Variants in CHST8 observed in about 807,000 individuals in gnomAD.
The protein encoded by CHST8 is carbohydrate sulfotransferase 8.
In CHST8, 10 loss-of-function variants were observed where a neutral mutation model predicts 15.0. The ratio of observed to expected loss-of-function variants is 0.67; its 90% confidence interval spans 0.41 to 1.13. CHST8 has a LOEUF of 1.13. Ranked by LOEUF, CHST8 falls within the 50% of genes most tolerant of loss-of-function variation. The pLI, the probability that CHST8 is intolerant of heterozygous loss-of-function variation, is 0.00. For missense variants in CHST8, 634 were observed against 608.2 expected (o/e 1.04, Z -0.45); for synonymous variants, 259 against 256.6 (o/e 1.01, Z -0.09).
At chr19:33,708,283 G>A (rs1973484020) in intron 3 of CHST8, among the ~76,000 whole-genome samples, 1 of 152,150 alleles carries the variant, frequency 6.6e-6, no homozygotes, top group Admixed American at 6.5e-5. Flanking sequence ...TATGCTTTTT[G>A]TGTTGCGTCT....
chr19:33,772,951 C>T lies in CHST8; in HGVS notation c.1163C>T (p.Ala388Val), dbSNP rs779408353. Residue 388 changes from alanine to valine, a missense_variant, in exon 5 of 5, where the codon GCC becomes GTC. Ala to Val is a moderately conservative substitution (Grantham distance 64). Coordinates refer to ENST00000650847, the MANE Select transcript of CHST8 (RefSeq NM_001127895.2). ...SQEARTTARI[A>V]HQYFAQLSAL... ...GAGGCGCGGACCACAGCGAGGATCG[C>T]CCACCAGTACTTCGCCCAACTCTCG... is the stretch of plus-strand genomic sequence containing the variant. 6.2e-7 allele frequency: 1 copy of T among 1,613,556 alleles called. No homozygotes were observed. Among genetic ancestry groups the T allele is most frequent in the Non-Finnish European group, 8.5e-7 (1 of 1,180,032 alleles).
In CHST8 at chr19:33,692,627, A is replaced by T. The variant is rs1402438145; in HGVS notation, c.130+3236A>T. Among the ~76,000 whole-genome samples, 3 of 152,302 alleles carry T rather than the reference A, an allele frequency of 2.0e-5. No individual in the cohort carries two copies. In the East Asian group the frequency reaches 5.8e-4, roughly 29 times the overall value. Reference sequence around the variant, plus strand: ...TGAGGTGGGAGGATCCTTTCAGCCCAGGAGGTCGAGACTGCAGTGAGCTGA... The same window carrying T: ...TGAGGTGGGAGGATCCTTTCAGCCCTGGAGGTCGAGACTGCAGTGAGCTGA... On this transcript the variant is annotated intron_variant, in intron 3 of 4. Transcript: ENST00000650847.
At chr19:33,741,925 C>T (rs1277951364) in intron 3 of CHST8, among the ~76,000 whole-genome samples, 3 of 152,136 alleles carry the variant, frequency 2.0e-5, no homozygotes, top group East Asian at 1.9e-4. Flanking sequence ...GAGAAATGCT[C>T]GCCAGATGGG....
At chr19:33,767,644 G>A (rs1340083582) in intron 3 of CHST8, among the ~76,000 whole-genome samples, 1 of 152,230 alleles carries the variant, frequency 6.6e-6, no homozygotes, top group African/African-American at 2.4e-5. Context: ...GAAAGTGCTT[G>A]TTTATTTCTT....
intron 3 of CHST8, among the ~76,000 whole-genome samples, chr19:33,769,006 A>G (rs1974911769): frequency 6.6e-6 from 1 of 152,208 alleles, no homozygotes; most frequent in Admixed American, 6.5e-5. Context: ...TCTAGAAGGA[A>G]CTTTTCCTCT....
intron 3 of CHST8, among the ~76,000 whole-genome samples, chr19:33,722,500 A>G (rs956512636): frequency 6.6e-6 from 1 of 152,180 alleles, no homozygotes; most frequent in African/African-American, 2.4e-5. Context: ...AAAGCTCAAC[A>G]TCATCTCCAG....
chr19:33,697,654 A>G (rs1466479448), intron 3 of CHST8, among the ~76,000 whole-genome samples: 4 of 152,266 alleles, frequency 2.6e-5, no homozygotes, highest in Non-Finnish European at 2.9e-5. Flanking sequence ...CTTCAGAGCT[A>G]GGATGTGGCC....
chr19:33,666,308 C>A (rs1485260744), intron 1 of CHST8, among the ~76,000 whole-genome samples: 1 of 152,150 alleles, frequency 6.6e-6, no homozygotes, highest in Non-Finnish European at 1.5e-5. Flanking sequence ...TGTGTGTGGA[C>A]CCTGCAAATA....
At chr19:33,631,998 C>T (rs1480111428) in intron 1 of CHST8, among the ~76,000 whole-genome samples, 2 of 152,230 alleles carry the variant, frequency 1.3e-5, no homozygotes, top group Non-Finnish European at 2.9e-5. Flanking sequence ...ATTATTACTA[C>T]TCCCGTTTTA....
At chr19:33,726,082 A>G (rs1237389719) in intron 3 of CHST8, among the ~76,000 whole-genome samples, 3 of 152,208 alleles carry the variant, frequency 2.0e-5, no homozygotes, top group Non-Finnish European at 4.4e-5. Context: ...GAGTTGACCC[A>G]GTTCTATCCC....
chr19:33,677,555 G>T (rs1023069486), intron 2 of CHST8, among the ~76,000 whole-genome samples: 2 of 152,188 alleles, frequency 1.3e-5, no homozygotes, highest in South Asian at 4.1e-4. Flanking sequence ...CCAGACCCAA[G>T]CCTGTTCCTC....
Position 33,748,662 on chromosome 19 carries a change from CCT to C in CHST8, c.131-22748_131-22747del, listed in dbSNP as rs572652082. ...CCACAGGCCCGGCTGCTCACCTTGT[CCT>C]CTATTGCAGGAGACGCACACAGCCT... is the stretch of plus-strand genomic sequence containing the variant. On this transcript the variant is annotated intron_variant, in intron 3 of 4. Transcript: ENST00000650847. 5.9e-5 allele frequency among the ~76,000 whole-genome samples: 9 copies of C among 152,326 alleles called. No individual in the cohort carries two copies. The East Asian group carries it at 1.7e-3, about 29-fold the overall frequency.
intron 3 of CHST8, among the ~76,000 whole-genome samples, chr19:33,738,422 G>A (rs1974124045): frequency 6.6e-6 from 1 of 152,192 alleles, no homozygotes. Context: ...GGGCAGAGAG[G>A]TATTAATTAA....
intron 2 of CHST8, among the ~76,000 whole-genome samples, chr19:33,675,559 C>T (rs1205435206): frequency 6.6e-6 from 1 of 152,246 alleles, no homozygotes; most frequent in East Asian, 1.9e-4. Flanking sequence ...TCACACTGCA[C>T]GTGGTTGATG....
chr19:33,762,176 G>A (rs1204847462), intron 3 of CHST8, among the ~76,000 whole-genome samples: 1 of 152,240 alleles, frequency 6.6e-6, no homozygotes, highest in Non-Finnish European at 1.5e-5. Context: ...GAACACTGTA[G>A]AGGTCACTGC....
chr19:33,743,206 G>A (rs780606102), intron 3 of CHST8, among the ~76,000 whole-genome samples: 2 of 151,912 alleles, frequency 1.3e-5, no homozygotes, highest in Non-Finnish European at 2.9e-5. Context: ...GGCAGTAGTG[G>A]ATTTTCCAGC....
At chr19:33,651,620 T>C (rs565637866) in intron 1 of CHST8, among the ~76,000 whole-genome samples, 40 of 152,316 alleles carry the variant, frequency 2.6e-4, no homozygotes, top group African/African-American at 9.4e-4. Context: ...ATAGGTTTTA[T>C]CATTTCCTTG....
At position 33,772,379 on chromosome 19, in the gene CHST8, GC is replaced by G; in HGVS notation, c.594del (p.Lys199ArgfsTer147). 1 of 1,608,950 alleles carries G rather than the reference GC, an allele frequency of 6.2e-7. No individual in the cohort carries two copies. On this transcript the variant is annotated frameshift_variant, in exon 5 of 5. Transcript: ENST00000650847. LOFTEE classifies it high-confidence loss of function. ...DRHRVLYCEV[P>X]KAGCSNWKRV... ...GCCACCGCGTGCTCTACTGCGAGGT[GC>G]CCAAGGCCGGCTGCTCCAATTGGAA... is the stretch of plus-strand genomic sequence containing the variant.
chr19:33,644,153 G>A (rs1380414294), intron 1 of CHST8, among the ~76,000 whole-genome samples: 4 of 152,042 alleles, frequency 2.6e-5, no homozygotes, highest in Non-Finnish European at 4.4e-5. Context: ...GGCTAGTCTC[G>A]AACTCCTGAC....
Sources: gnomAD v4.1 joint callset for allele counts (sites outside exome capture counted in the v4.1 genomes callset) on GRCh38, gnomAD v4.1.1 for gene constraint, MANE v1.5 for transcripts, NCBI Gene and HGNC (gene_info 2026-07-23, HGNC 2026-07-21) for gene names.